ZNF536: variants seen among roughly 807,000 people sequenced by gnomAD.
The protein encoded by ZNF536 is zinc finger protein 536.
In ZNF536, 13 loss-of-function variants were observed where a neutral mutation model predicts 84.5. The ratio of observed to expected loss-of-function variants is 0.15; its 90% CI spans 0.10 to 0.24. ZNF536 has a LOEUF of 0.24. ZNF536 is among the 10% of genes least tolerant of loss of function. The probability of loss-of-function intolerance (pLI) is 1.00; values close to 1 mark genes in which losing one functional copy is unlikely to be tolerated. For missense variants in ZNF536, 1,536 were observed against 1,747.5 expected (o/e 0.88, Z 2.16); for synonymous variants, 811 against 742.5 (o/e 1.09, Z -1.50).
intron 1 of ZNF536, among the ~76,000 whole-genome samples, chr19:30,628,517 C>G (rs575134111): frequency 4.6e-5 from 7 of 151,658 alleles, no homozygotes; most frequent in African/African-American, 1.7e-4. Context: ...CAAGCTCCGC[C>G]CCCCGGGTTC....
In ZNF536 at chr19:30,410,465, C is replaced by CTTTTTTTTTTT. The variant is rs201561646; in HGVS notation, c.-2-33079_-2-33069dup. The stretch of plus-strand genomic sequence containing the variant: ...TAAATAAACAATGAAAAGTGAAGGT[C>CTTTTTTTTTTT]TTTTTTTTTTTTTTTTTTTTTTTTT... On this transcript the variant is annotated intron_variant, in intron 1 of 4. Coordinates refer to ENST00000355537, the MANE Select transcript of ZNF536 (RefSeq NM_014717.3). Among the ~76,000 whole-genome samples, 83 of 122,606 alleles carry CTTTTTTTTTTT rather than the reference C, an allele frequency of 6.8e-4. 19 individuals carry two copies. Among genetic ancestry groups the CTTTTTTTTTTT allele is most frequent in the African/African-American group, 3.0e-3 (76 of 24,960 alleles). The allele number at this position is 122,606 out of a possible 152,430, so 80.4% of individuals were successfully genotyped here.
chr19:30,432,006 T>TATATATATATATATACACAC (rs149223384), intron 1 of ZNF536, among the ~76,000 whole-genome samples: 2 of 146,082 alleles, frequency 1.4e-5, no homozygotes, highest in African/African-American at 5.1e-5. Context: ...TATATATATA[T>TATATATATATATATACACAC]ACACACACAC....
At chr19:30,698,120 A>C (rs1600303929) in intron 1 of ZNF536, among the ~76,000 whole-genome samples, 1 of 152,114 alleles carries the variant, frequency 6.6e-6, no homozygotes, top group Non-Finnish European at 1.5e-5. Context: ...GGTGAAACCC[A>C]GTCTCTACTA....
intron 1 of ZNF536, among the ~76,000 whole-genome samples, chr19:30,569,555 C>T (rs1197636702): frequency 4.1e-5 from 4 of 96,782 alleles, no homozygotes; most frequent in Admixed American, 1.2e-4. Flanking sequence ...GCCAGATAAA[C>T]GTTCTTTTTT....
chr19:30,667,432 G>T (rs139337498), intron 1 of ZNF536, among the ~76,000 whole-genome samples: 1 of 152,032 alleles, frequency 6.6e-6, no homozygotes, highest in Non-Finnish European at 1.5e-5. Context: ...CTCTGTGTGC[G>T]TTAGCTGCTT....
rs200581630 is a variant in ZNF536, at chr19:30,444,604, G to A, written c.1042G>A (p.Glu348Lys). The A allele has an allele frequency of 6.2e-7, 1 of 1,613,888 alleles. No individual in the cohort carries two copies. Among genetic ancestry groups the A allele is most frequent in the African/African-American group, 1.3e-5 (1 of 75,070 alleles). The change falls in exon 2 of 5, where the codon GAG (glutamate) becomes AAG (lysine). Residue 348 changes from glutamate (E) to lysine (K), a missense_variant. Glu to Lys is a moderately conservative substitution (Grantham distance 56). Coordinates refer to ENST00000355537, the MANE Select transcript of ZNF536 (RefSeq NM_014717.3). ...GCAGTCGGCCAACGAGTTCCGCTGC[G>A]AGGTGTGCGGTCAGGTGTTCAGCCA... ...GEQSANEFRC[E>K]VCGQVFSQAW...
At chr19:30,490,175 A>C (rs2145079080) in intron 2 of ZNF536, among the ~76,000 whole-genome samples, 1 of 152,264 alleles carries the variant, frequency 6.6e-6, no homozygotes, top group Admixed American at 6.5e-5. Context: ...TTTTTTAACC[A>C]AGTTGACCAG....
intron 1 of ZNF536, among the ~76,000 whole-genome samples, chr19:30,625,710 C>T (rs934497328): frequency 3.1e-4 from 47 of 152,174 alleles, no homozygotes; most frequent in Non-Finnish European, 5.1e-4. Flanking sequence ...CAGTTCAAAC[C>T]GTTTCTGGAC....
chr19:30,661,639 C>T (rs1273564750), intron 1 of ZNF536, among the ~76,000 whole-genome samples: 2 of 152,100 alleles, frequency 1.3e-5, no homozygotes, highest in Admixed American at 1.3e-4. Flanking sequence ...GGATATTAAT[C>T]AACACATCCT....
intron 1 of ZNF536, among the ~76,000 whole-genome samples, chr19:30,433,485 A>ATTTG (rs997804191): frequency 1.1e-4 from 16 of 152,280 alleles, no homozygotes; most frequent in South Asian, 6.2e-4. Context: ...CAACAGGAGC[A>ATTTG]TTTGTTTGTT....
intron 2 of ZNF536, among the ~76,000 whole-genome samples, chr19:30,453,006 A>G (rs2053551715): frequency 1.4e-5 from 2 of 145,650 alleles, no homozygotes; most frequent in African/African-American, 2.6e-5. Context: ...TGGTGGGGGG[A>G]CTCTGATCTC....
chr19:30,672,585 C>G (rs1568658006), intron 1 of ZNF536, among the ~76,000 whole-genome samples: 4 of 152,140 alleles, frequency 2.6e-5, no homozygotes, highest in Admixed American at 2.6e-4. Flanking sequence ...CCATTCCTCT[C>G]CAATCCTAGC....
intron 1 of ZNF536, among the ~76,000 whole-genome samples, chr19:30,379,554 G>T (rs898385091): frequency 1.3e-5 from 2 of 151,400 alleles, no homozygotes; most frequent in African/African-American, 4.9e-5. Flanking sequence ...GATCTGACAG[G>T]TGGAAGGGGT....
At chr19:30,704,411 C>G (rs2052129819) in intron 1 of ZNF536, among the ~76,000 whole-genome samples, 3 of 152,048 alleles carry the variant, frequency 2.0e-5, no homozygotes, top group Admixed American at 1.3e-4. Context: ...CTTTGGGAGG[C>G]TGAGGTGGGC....
chr19:30,377,975 G>C (rs927446561), intron 1 of ZNF536, among the ~76,000 whole-genome samples: 1 of 152,168 alleles, frequency 6.6e-6, no homozygotes, highest in African/African-American at 2.4e-5. Flanking sequence ...CTCTCCAGCT[G>C]CTGGGAGTCT....
chr19:30,578,160 G>T (rs1297436826), intron 1 of ZNF536, among the ~76,000 whole-genome samples: 1 of 152,174 alleles, frequency 6.6e-6, no homozygotes, highest in Non-Finnish European at 1.5e-5. Context: ...TTGTTTTAAA[G>T]TTCAGAGGTG....
intron 1 of ZNF536, among the ~76,000 whole-genome samples, chr19:30,657,440 C>T: frequency 6.6e-6 from 1 of 152,232 alleles, no homozygotes; most frequent in Non-Finnish European, 1.5e-5. Flanking sequence ...GCTAAAGCCA[C>T]CTCTCCTGTG....
intron 1 of ZNF536, among the ~76,000 whole-genome samples, chr19:30,281,330 C>T (rs2045436138): frequency 6.6e-6 from 1 of 152,218 alleles, no homozygotes. Context: ...AACCTTCTCA[C>T]TCCCCTTTCT....
chr19:30,263,971 A>G (rs1455699415), intron 1 of ZNF536, among the ~76,000 whole-genome samples: 1 of 152,186 alleles, frequency 6.6e-6, no homozygotes, highest in African/African-American at 2.4e-5. Context: ...AGCAACAGGA[A>G]AGGAACTTTC....
Sources: allele counts gnomAD v4.1 joint callset (sites outside exome capture counted in the v4.1 genomes callset), GRCh38; gene constraint gnomAD v4.1.1; transcripts MANE v1.5; gene names NCBI Gene and HGNC (gene_info 2026-07-23, HGNC 2026-07-21).